TRPM3: variants seen among roughly 807,000 people sequenced by gnomAD.
TRPM3 encodes long transient receptor potential channel 3.
TRPM3 carries 77 observed loss-of-function variants against 181.2 expected under a neutral mutation model. The ratio of observed to expected loss-of-function variants is 0.42; its 90% confidence interval spans 0.35 to 0.51. The LOEUF is 0.51. Among genes scored for constraint, TRPM3 ranks in the 20% least tolerant of loss-of-function variants. TRPM3 has a pLI of 0.01. For missense variants in TRPM3, 1,759 were observed against 2,196.7 expected (o/e 0.80, Z 3.98); for synonymous variants, 745 against 796.4 (o/e 0.94, Z 1.09).
At chr9:70,870,263 G>A (rs556300834) in intron 1 of TRPM3, among the ~76,000 whole-genome samples, 2 of 152,100 alleles carry the variant, frequency 1.3e-5, no homozygotes, top group East Asian at 3.9e-4. Flanking sequence ...TCTTTCCAGG[G>A]TCAATCTTCT....
intron 1 of TRPM3, among the ~76,000 whole-genome samples, chr9:71,280,507 A>T (rs1166924910): frequency 6.6e-6 from 1 of 151,658 alleles, no homozygotes; most frequent in African/African-American, 2.4e-5. Context: ...GCAAGGGGCC[A>T]TCTCAGAAAA....
chr9:70,981,070 T>G (rs2134020459), intron 1 of TRPM3, among the ~76,000 whole-genome samples: 1 of 152,340 alleles, frequency 6.6e-6, no homozygotes, highest in African/African-American at 2.4e-5. Flanking sequence ...TGATTGATTT[T>G]TAAATTACCA....
At chr9:71,442,168 TAC>T (rs1313824452) in intron 1 of TRPM3, among the ~76,000 whole-genome samples, 9 of 152,192 alleles carry the variant, frequency 5.9e-5, no homozygotes, top group Admixed American at 2.6e-4. Flanking sequence ...GCTGTTTCCA[TAC>T]ACTCTCTCAG....
chr9:70,797,999 C>T (rs1201152165), intron 6 of TRPM3, among the ~76,000 whole-genome samples: 1 of 152,208 alleles, frequency 6.6e-6, no homozygotes, highest in Non-Finnish European at 1.5e-5. Flanking sequence ...CCACCAAGTA[C>T]TTCTTTTATT....
intron 1 of TRPM3, among the ~76,000 whole-genome samples, chr9:71,133,973 TTG>T (rs72198070): frequency 0.037 from 5,445 of 148,460 alleles, 127 homozygotes; most frequent in South Asian, 0.063. Context: ...CTGTGTGTGT[TTG>T]TGTGTGTGTG....
chr9:71,206,365 A>G (rs1165372054), intron 1 of TRPM3, among the ~76,000 whole-genome samples: 1 of 151,976 alleles, frequency 6.6e-6, no homozygotes, highest in Admixed American at 6.6e-5. Flanking sequence ...GCTCTTTTTC[A>G]TATGTTTGTT....
intron 25 of TRPM3, among the ~76,000 whole-genome samples, chr9:70,545,548 CTTTTTTTTT>C (rs5898150): frequency 1.9e-4 from 22 of 113,352 alleles, no homozygotes; most frequent in Non-Finnish European, 3.8e-4. Context: ...AATTTTCTTT[CTTTTTTTTT>C]TTTTTTTGAA....
chr9:70,998,152 TATACATATATAC>T (rs2097560323), intron 1 of TRPM3, among the ~76,000 whole-genome samples: 1 of 27,514 alleles, frequency 3.6e-5, no homozygotes, highest in South Asian at 1.3e-3. Flanking sequence ...CACATATATA[TATACATATATAC>T]ATATATACAC....
chr9:70,977,184 G>C (rs893285666), intron 1 of TRPM3, among the ~76,000 whole-genome samples: 5 of 152,086 alleles, frequency 3.3e-5, no homozygotes, highest in Admixed American at 1.3e-4. Context: ...ACCCAGGCTG[G>C]AGTGCAGTGG....
intron 1 of TRPM3, among the ~76,000 whole-genome samples, chr9:70,889,741 TA>T (rs969781908): frequency 2.0e-4 from 31 of 151,874 alleles, no homozygotes; most frequent in Non-Finnish European, 3.7e-4. Context: ...GTTTAAGTAA[TA>T]GAAAAGGCTT....
intron 5 of TRPM3, among the ~76,000 whole-genome samples, chr9:70,832,421 G>T (rs1247286204): frequency 6.6e-6 from 1 of 152,080 alleles, no homozygotes; most frequent in Admixed American, 6.6e-5. Flanking sequence ...TCTCTTTCTT[G>T]TCCCTTAAGA....
intron 1 of TRPM3, among the ~76,000 whole-genome samples, chr9:71,059,295 C>T (rs1180057339): frequency 3.3e-5 from 5 of 151,786 alleles, no homozygotes; most frequent in East Asian, 1.9e-4. Context: ...GCCTCCTGCT[C>T]GCAAGAGTAG....
chr9:70,794,715 A>G (rs923608499), intron 6 of TRPM3, among the ~76,000 whole-genome samples: 1 of 151,920 alleles, frequency 6.6e-6, no homozygotes, highest in Non-Finnish European at 1.5e-5. Context: ...ACTTTCCCTG[A>G]TTCACTCTCA....
At chr9:71,181,693 C>G (rs1046768793) in intron 1 of TRPM3, among the ~76,000 whole-genome samples, 3 of 152,128 alleles carry the variant, frequency 2.0e-5, no homozygotes, top group African/African-American at 4.8e-5. Flanking sequence ...AAATTTACCA[C>G]TGTCCTTTAG....
At chr9:70,592,128 A>G (rs1486789860) in intron 21 of TRPM3, among the ~76,000 whole-genome samples, 2 of 152,212 alleles carry the variant, frequency 1.3e-5, no homozygotes, top group East Asian at 3.8e-4. Flanking sequence ...ATAGATGAGG[A>G]TGCAATAACT....
intron 9 of TRPM3, among the ~76,000 whole-genome samples, chr9:70,668,592 G>A (rs931022267): frequency 1.3e-5 from 2 of 150,306 alleles, no homozygotes; most frequent in African/African-American, 4.9e-5. Flanking sequence ...GTGAACCCGG[G>A]AGGCGGAGCT....
chr9:70,800,333 T>C (rs2088571226), intron 6 of TRPM3, among the ~76,000 whole-genome samples: 2 of 152,242 alleles, frequency 1.3e-5, no homozygotes, highest in South Asian at 2.1e-4. Context: ...GTAATTATTC[T>C]GGATGAATTA....
chr9:70,790,928 G>T (rs2085229336), intron 6 of TRPM3, among the ~76,000 whole-genome samples: 1 of 152,130 alleles, frequency 6.6e-6, no homozygotes. Flanking sequence ...AAGGAAATGT[G>T]ACTAGAAAGC....
At chr9:71,307,706 A>G (rs1207321167) in intron 1 of TRPM3, among the ~76,000 whole-genome samples, 1 of 152,144 alleles carries the variant, frequency 6.6e-6, no homozygotes, top group Non-Finnish European at 1.5e-5. Context: ...GTACTAACAT[A>G]TGATATACTT....
Sources: gnomAD v4.1 joint callset for allele counts (sites outside exome capture counted in the v4.1 genomes callset) on GRCh38, gnomAD v4.1.1 for gene constraint, MANE v1.5 for transcripts, NCBI Gene and HGNC (gene_info 2026-07-23, HGNC 2026-07-21) for gene names.